AK9: variants seen among roughly 807,000 people sequenced by gnomAD.
AK9 encodes the protein adenylate kinase domain containing 1.
A neutral mutation model predicts 239.6 loss-of-function variants in AK9; 191 were observed. The ratio of observed to expected loss-of-function variants is 0.80; its 90% CI spans 0.71 to 0.90. The LOEUF (loss-of-function observed/expected upper bound fraction) is 0.90. Among genes scored for constraint, AK9 ranks in the 40% least tolerant of loss-of-function variants. AK9 has a pLI of 0.00. For missense variants in AK9, 1,995 were observed against 2,214.7 expected, an observed-to-expected ratio of 0.90 and a Z score of 1.99; for synonymous variants, 689 against 721.0, an observed-to-expected ratio of 0.96 and a Z score of 0.71.
Position 109,533,419 on chromosome 6 carries a change from C to T in AK9, c.3402G>A (p.Gln1134=). 6.2e-7 allele frequency: 1 copy of T among 1,611,796 alleles called. No homozygotes were observed. Among genetic ancestry groups the T allele is most frequent in the Non-Finnish European group, 8.5e-7 (1 of 1,179,150 alleles). The change falls in exon 28 of 41, where the codon CAG becomes CAA. Residue 1134 remains glutamine (Q), a synonymous_variant. Transcript: ENST00000424296. ...DGFPRYPEEA[Q]FLGDRGFFPD... ...GGAAAAATCCACGATCTCCCAAAAA[C>T]TGGGCCTCTTCTGGATATCGTGGGA...
intron 13 of AK9, among the ~76,000 whole-genome samples, chr6:109,618,505 T>C (rs1399723659): frequency 1.3e-5 from 2 of 151,394 alleles, no homozygotes; most frequent in Non-Finnish European, 2.9e-5. Context: ...AGAGGCAGAA[T>C]GGTCAGGAGA....
rs1174554211 is a variant in AK9, at chr6:109,495,340, G to A, written c.5416C>T (p.Gln1806Ter). 1 of 1,607,592 alleles carries A rather than the reference G, an allele frequency of 6.2e-7. No individual in the cohort carries two copies. Among genetic ancestry groups the A allele is most frequent in the South Asian group, 1.1e-5 (1 of 90,610 alleles). The change falls in exon 39 of 41, where the codon CAG becomes TAG. Residue 1806 changes from glutamine to a stop codon, truncating the protein, a stop_gained and splice_region_variant. Coordinates refer to ENST00000424296, the MANE Select transcript of AK9 (RefSeq NM_001145128.3). LOFTEE classifies it high-confidence loss of function. ...TSLPLPGYLEQGIATSLIKAM... is the reference protein window; with the variant it reads ...TSLPLPGYLE ...AACAGAAAATTAAGTAAAAGAACCT[G>A]TTCCAGATATCCAGGCAAAGGAAGA... is the stretch of plus-strand genomic sequence containing the variant.
chr6:109,556,839 G>T (rs918496564), intron 24 of AK9, among the ~76,000 whole-genome samples: 1 of 151,872 alleles, frequency 6.6e-6, no homozygotes, highest in Non-Finnish European at 1.5e-5. Context: ...TTCTCATGCT[G>T]TGTTTTTCAG....
intron 7 of AK9, among the ~76,000 whole-genome samples, chr6:109,657,435 TAGG>T (rs1336671897): frequency 6.6e-6 from 1 of 151,936 alleles, no homozygotes; most frequent in African/African-American, 2.4e-5. Context: ...TGAAGAGTGG[TAGG>T]AGAAGAAGCT....
chr6:109,535,424 G>C (rs1052896534), intron 27 of AK9, among the ~76,000 whole-genome samples: 2 of 152,056 alleles, frequency 1.3e-5, no homozygotes, highest in African/African-American at 4.8e-5. Context: ...GTGTCTGTTC[G>C]TATCCTTTGC....
At chr6:109,518,940 T>C (rs1178908198) in intron 29 of AK9, among the ~76,000 whole-genome samples, 1 of 152,122 alleles carries the variant, frequency 6.6e-6, no homozygotes, top group Non-Finnish European at 1.5e-5. Flanking sequence ...TACTCAATAG[T>C]TATTTTTTCA....
At position 109,506,772 on chromosome 6, in the gene AK9, T is replaced by C; in HGVS notation, c.4510A>G (p.Lys1504Glu). ...GCTTCCAAGAGATTCATTTGATGTT[T>C]AGTTACAGGATATCCATCGATGACA... ...GVVIDGYPVT[K>E]HQMNLLEARS... Residue 1504 changes from lysine to glutamate, a missense_variant, in exon 34 of 41, where the codon AAA becomes GAA. Physicochemically the swap from Lys to Glu is moderately conservative, Grantham distance 56. Around this residue, in one of 5 missense-constraint regions of AK9, gnomAD observed 45 missense variants for 80.5 expected, o/e 0.56. Coordinates refer to ENST00000424296, the MANE Select transcript of AK9 (RefSeq NM_001145128.3). The C allele has an allele frequency of 6.6e-7, 1 of 1,516,108 alleles. No homozygotes were observed. Among genetic ancestry groups the C allele is most frequent in the Non-Finnish European group, 8.9e-7 (1 of 1,125,276 alleles). The allele number at this position is 1,516,108 out of a possible 1,614,324, so 93.9% of individuals were successfully genotyped here. A position where few individuals can be genotyped will look rare whatever the true frequency, so the allele number is the denominator to read the frequency against.
At chr6:109,497,628 A>G in intron 37 of AK9, 65 bp from the exon 38 acceptor site, 1 of 1,362,732 alleles carries the variant, frequency 7.3e-7, no homozygotes, top group South Asian at 1.3e-5. Flanking sequence ...TGTGTAAATA[A>G]AAAGTCAAAA....
At chr6:109,581,821 A>G (rs534198514) in intron 19 of AK9, among the ~76,000 whole-genome samples, 15 of 152,346 alleles carry the variant, frequency 9.8e-5, no homozygotes, top group African/African-American at 3.4e-4. Context: ...AGAAGATGCC[A>G]TCTAGGACTT....
At chr6:109,594,648 G>C (rs1294367354) in intron 17 of AK9, among the ~76,000 whole-genome samples, 1 of 152,082 alleles carries the variant, frequency 6.6e-6, no homozygotes, top group Non-Finnish European at 1.5e-5. Flanking sequence ...AAATGGTACT[G>C]GTACCAAAAC....
At chr6:109,643,626 T>G (rs751219391) in intron 9 of AK9, among the ~76,000 whole-genome samples, 6 of 152,214 alleles carry the variant, frequency 3.9e-5, no homozygotes, top group Non-Finnish European at 7.3e-5. Context: ...CTTAAAACCT[T>G]TCACTGGATG....
chr6:109,626,953 G>A (rs1285453671), intron 12 of AK9, among the ~76,000 whole-genome samples: 1 of 151,810 alleles, frequency 6.6e-6, no homozygotes, highest in Non-Finnish European at 1.5e-5. Flanking sequence ...TTGTTTCTTT[G>A]TTCAATAATA....
intron 16 of AK9, among the ~76,000 whole-genome samples, chr6:109,611,316 A>C (rs1468393909): frequency 6.6e-6 from 1 of 152,166 alleles, no homozygotes; most frequent in African/African-American, 2.4e-5. Flanking sequence ...AGAGCAGAAA[A>C]GTCAAGAACC....
intron 33 of AK9, among the ~76,000 whole-genome samples, chr6:109,507,608 C>T (rs746455873): frequency 2.0e-5 from 3 of 152,114 alleles, no homozygotes; most frequent in Admixed American, 6.5e-5. Context: ...GAGGAGTGGC[C>T]CCCAAGCTCA....
chr6:109,670,164 A>G (rs911485717), intron 5 of AK9, among the ~76,000 whole-genome samples: 1 of 152,198 alleles, frequency 6.6e-6, no homozygotes, highest in African/African-American at 2.4e-5. Context: ...GAGACATACT[A>G]ATCACTTGTA....
intron 17 of AK9, among the ~76,000 whole-genome samples, chr6:109,594,091 G>A (rs1187369071): frequency 2.0e-5 from 3 of 152,144 alleles, no homozygotes; most frequent in Non-Finnish European, 2.9e-5. Context: ...CTTTGCAGAC[G>A]ACATGATTGT....
chr6:109,587,016 G>A (rs897945828), intron 17 of AK9, among the ~76,000 whole-genome samples: 3 of 151,850 alleles, frequency 2.0e-5, no homozygotes, highest in Admixed American at 1.3e-4. Context: ...CTATGTTGTC[G>A]AGGCTGGTTT....
At chr6:109,595,223 G>C (rs1236070280) in intron 17 of AK9, among the ~76,000 whole-genome samples, 1 of 152,190 alleles carries the variant, frequency 6.6e-6, no homozygotes, top group Non-Finnish European at 1.5e-5. Context: ...CTCAAAAGAA[G>C]ACATTTATGC....
chr6:109,522,773 T>G (rs892073316), intron 29 of AK9, among the ~76,000 whole-genome samples: 1 of 152,194 alleles, frequency 6.6e-6, no homozygotes, highest in Non-Finnish European at 1.5e-5. Flanking sequence ...GGTTGGCTAT[T>G]CATTTTTATA....
Sources: gnomAD v4.1 joint callset for allele counts (sites outside exome capture counted in the v4.1 genomes callset) on GRCh38, gnomAD v4.1.1 for gene constraint, gnomAD v4.1.1 regional missense constraint, MANE v1.5 for transcripts, NCBI Gene and HGNC (gene_info 2026-07-23, HGNC 2026-07-21) for gene names.